Variants in TENM2 observed in about 807,000 individuals in gnomAD.
TENM2 encodes teneurin-2.
TENM2 carries 52 observed loss-of-function variants against 245.2 expected under a neutral mutation model. The ratio of observed to expected loss-of-function variants is 0.21; its 90% CI spans 0.17 to 0.27. The LOEUF (loss-of-function observed/expected upper bound fraction) is 0.27, where lower values mean the gene tolerates loss of function less well. Among genes scored for constraint, TENM2 ranks in the 10% least tolerant of loss-of-function variants. TENM2 has a pLI of 1.00. For synonymous variants in TENM2, 1,363 were observed against 1,438.9 expected (o/e 0.95, Z 1.19); for missense variants, 3,046 against 3,666.8 (o/e 0.83, Z 4.37).
At chr5:167,386,988 G>A (rs1003105723) in intron 2 of TENM2, among the ~76,000 whole-genome samples, 5 of 152,054 alleles carry the variant, frequency 3.3e-5, no homozygotes, top group African/African-American at 1.2e-4. Flanking sequence ...CTTTGGCTAT[G>A]CTGACTTTTT....
At chr5:167,705,903 T>C (rs1758470644) in intron 2 of TENM2, among the ~76,000 whole-genome samples, 1 of 150,430 alleles carries the variant, frequency 6.6e-6, no homozygotes, top group Non-Finnish European at 1.5e-5. Context: ...GTTAGCATGA[T>C]ATTCTCCAGG....
At chr5:167,515,758 C>T (rs998245626) in intron 2 of TENM2, among the ~76,000 whole-genome samples, 10 of 143,752 alleles carry the variant, frequency 7.0e-5, no homozygotes, top group East Asian at 2.3e-4. Context: ...CTCCACCCTC[C>T]GGGTTCATGC....
At chr5:166,992,004 C>T in the TENM2 span, among the ~76,000 whole-genome samples, 1 of 150,420 alleles carries the variant, frequency 6.6e-6, no homozygotes. Context: ...CTTGGAGTAA[C>T]ATTCAGAGAT....
intron 2 of TENM2, among the ~76,000 whole-genome samples, chr5:167,550,370 C>T (rs1477980186): frequency 6.6e-6 from 1 of 152,172 alleles, no homozygotes; most frequent in Admixed American, 6.5e-5. Context: ...TTTCTCACAA[C>T]TCTTGCCTTT....
chr5:167,181,599 T>C, the TENM2 span, among the ~76,000 whole-genome samples: 1 of 151,986 alleles, frequency 6.6e-6, no homozygotes, highest in Admixed American at 6.6e-5. Flanking sequence ...TGTGTCTGGC[T>C]CAACACGAGT....
At chr5:167,196,756 G>T in the TENM2 span, among the ~76,000 whole-genome samples, 4 of 151,788 alleles carry the variant, frequency 2.6e-5, no homozygotes, top group Non-Finnish European at 5.9e-5. Flanking sequence ...ACTTTACATA[G>T]TATATACATT....
chr5:167,094,623 T>C, the TENM2 span, among the ~76,000 whole-genome samples: 2 of 152,220 alleles, frequency 1.3e-5, no homozygotes, highest in African/African-American at 4.8e-5. Flanking sequence ...ACAAAAGTCC[T>C]CTAAATTGAT....
chr5:167,654,917 G>A (rs549028294), intron 2 of TENM2, among the ~76,000 whole-genome samples: 1 of 152,120 alleles, frequency 6.6e-6, no homozygotes, highest in Non-Finnish European at 1.5e-5. Flanking sequence ...CAGTGGTAAA[G>A]TTGCTTCCAA....
the TENM2 span, among the ~76,000 whole-genome samples, chr5:167,018,574 G>C: frequency 2.0e-5 from 3 of 152,128 alleles, no homozygotes; most frequent in African/African-American, 4.8e-5. Context: ...GTGGCAGACA[G>C]GTAATCATTC....
chr5:167,866,135 G>A (rs754689016), intron 2 of TENM2, among the ~76,000 whole-genome samples: 4 of 152,194 alleles, frequency 2.6e-5, no homozygotes, highest in Non-Finnish European at 5.9e-5. Flanking sequence ...TGAGTGTGGT[G>A]ATCAGAAAAG....
intron 1 of TENM2, among the ~76,000 whole-genome samples, chr5:167,329,920 A>T (rs1170448989): frequency 6.6e-6 from 1 of 152,166 alleles, no homozygotes; most frequent in Non-Finnish European, 1.5e-5. Context: ...GGTCTTGAAC[A>T]TTGAAATCTA....
At chr5:167,595,270 T>G (rs972909387) in intron 2 of TENM2, among the ~76,000 whole-genome samples, 9 of 152,190 alleles carry the variant, frequency 5.9e-5, no homozygotes, top group African/African-American at 2.2e-4. Context: ...GATGTAAAAT[T>G]ACTTTTTACC....
intron 2 of TENM2, among the ~76,000 whole-genome samples, chr5:167,875,092 G>T (rs1773305592): frequency 6.6e-6 from 1 of 152,280 alleles, no homozygotes; most frequent in African/African-American, 2.4e-5. Flanking sequence ...GTGATGCAGG[G>T]GGTGAATAAA....
the TENM2 span, among the ~76,000 whole-genome samples, chr5:166,983,384 A>G: frequency 6.6e-6 from 1 of 152,120 alleles, no homozygotes; most frequent in Non-Finnish European, 1.5e-5. Flanking sequence ...CCAGACTTTC[A>G]CTGGCCCACC....
At chr5:168,054,602 A>C (rs567328639) in intron 6 of TENM2, among the ~76,000 whole-genome samples, 165 of 152,342 alleles carry the variant, frequency 1.1e-3, no homozygotes, top group African/African-American at 3.7e-3. Flanking sequence ...CTATGAGTCC[A>C]TTCCCTTTAT....
chr5:167,466,763 G>T (rs1335506277), intron 2 of TENM2, among the ~76,000 whole-genome samples: 2 of 152,100 alleles, frequency 1.3e-5, no homozygotes, highest in East Asian at 3.9e-4. Context: ...CAAGTAATTT[G>T]TATAAGTAAT....
exon 29 of TENM2, chr5:168,262,555 A>G (rs1243801944): frequency 6.4e-7 from 1 of 1,559,782 alleles, no homozygotes; most frequent in East Asian, 2.4e-5. Context: ...CCCTGGACGA[A>G]GAGAAGGCCC....
At chr5:167,630,713 A>G (rs1192705385) in intron 2 of TENM2, among the ~76,000 whole-genome samples, 1 of 152,218 alleles carries the variant, frequency 6.6e-6, no homozygotes, top group African/African-American at 2.4e-5. Context: ...AACCATTTAT[A>G]ATATATTTAA....
At chr5:167,157,980 A>G in the TENM2 span, among the ~76,000 whole-genome samples, 1 of 152,190 alleles carries the variant, frequency 6.6e-6, no homozygotes, top group African/African-American at 2.4e-5. Flanking sequence ...CTCGTTTTGG[A>G]TTGTTTTCCT....
Sources: allele counts gnomAD v4.1 joint callset (sites outside exome capture counted in the v4.1 genomes callset), GRCh38; gene constraint gnomAD v4.1.1; transcripts MANE v1.5; gene names NCBI Gene and HGNC (gene_info 2026-07-23, HGNC 2026-07-21).